DPP10: variants seen among roughly 807,000 people sequenced by gnomAD.
DPP10 encodes the protein dipeptidyl peptidase like 10.
Under a neutral mutation model 120.9 loss-of-function variants are expected in DPP10, and 33 were observed. The ratio of observed to expected loss-of-function variants is 0.27; its 90% CI spans 0.21 to 0.37. DPP10 has a LOEUF of 0.37. Ranked by LOEUF, DPP10 falls within the 10% of genes least tolerant of loss-of-function variation. DPP10 has a pLI of 1.00. For missense variants in DPP10, 816 were observed against 942.8 expected (o/e 0.87, Z 1.76); for synonymous variants, 337 against 326.1 (o/e 1.03, Z -0.36).
chr2:114,777,265 G>A (rs1243675575), intron 1 of DPP10, among the ~76,000 whole-genome samples: 2 of 152,082 alleles, frequency 1.3e-5, no homozygotes, highest in African/African-American at 2.4e-5. Context: ...CTGCAGCCTA[G>A]GAAACACTGT....
chr2:115,806,638 T>C (rs1356240854), intron 19 of DPP10, among the ~76,000 whole-genome samples: 1 of 152,208 alleles, frequency 6.6e-6, no homozygotes, highest in African/African-American at 2.4e-5. Context: ...CATCCATTCC[T>C]GTATTATCAA....
intron 1 of DPP10, among the ~76,000 whole-genome samples, chr2:115,162,670 G>A (rs2052511042): frequency 1.3e-5 from 2 of 152,124 alleles, no homozygotes; most frequent in African/African-American, 2.4e-5. Context: ...TTGGTGATGT[G>A]TTGGGTTTGG....
intron 1 of DPP10, among the ~76,000 whole-genome samples, chr2:115,077,740 A>G (rs560159315): frequency 6.1e-4 from 93 of 152,324 alleles, no homozygotes; most frequent in Non-Finnish European, 1.2e-3. Context: ...GCCCTCAAGA[A>G]CAGCCCAAGC....
chr2:115,523,769 T>C (rs1241240435), intron 4 of DPP10, among the ~76,000 whole-genome samples: 1 of 152,156 alleles, frequency 6.6e-6, no homozygotes, highest in Non-Finnish European at 1.5e-5. Context: ...CGTATCATAG[T>C]ATTGCCCTGA....
Position 115,561,358 on chromosome 2 carries a change from CAAAAAAAAAAAA to C in DPP10, c.441+35401_441+35412del, listed in dbSNP as rs11421762. 3.5e-4 allele frequency among the ~76,000 whole-genome samples: 21 copies of C among 59,816 alleles called. 1 individual carries two copies. Among genetic ancestry groups the C allele is most frequent in the African/African-American group, 1.3e-3 (19 of 14,502 alleles). The allele number at this position is 59,816 out of a possible 152,430, so 39.2% of individuals were successfully genotyped here. A position where few individuals can be genotyped will look rare whatever the true frequency, so the allele number is the denominator to read the frequency against. ...TGGGTGGCAGAGCAAGACTCCATCA[CAAAAAAAAAAAA>C]AAAAAAAAAAAAAAGGAATCTCAAG... is the stretch of plus-strand genomic sequence containing the variant. On this transcript the variant is annotated intron_variant, in intron 5 of 25. Transcript: ENST00000410059.
At chr2:115,756,340 T>G (rs1462849558) in intron 11 of DPP10, among the ~76,000 whole-genome samples, 1 of 152,128 alleles carries the variant, frequency 6.6e-6, no homozygotes. Flanking sequence ...GTTGAATGTT[T>G]AAAGCACATA....
At chr2:115,718,367 G>A (rs1252693864) in intron 7 of DPP10, among the ~76,000 whole-genome samples, 1 of 152,078 alleles carries the variant, frequency 6.6e-6, no homozygotes, top group Non-Finnish European at 1.5e-5. Flanking sequence ...AAGAGCAATT[G>A]ACACTGTCAG....
chr2:114,932,604 A>G (rs1162722557), intron 1 of DPP10, among the ~76,000 whole-genome samples: 3 of 152,212 alleles, frequency 2.0e-5, no homozygotes, highest in Non-Finnish European at 2.9e-5. Flanking sequence ...GATCAGGTGA[A>G]TCTAATCTAT....
chr2:115,339,914 A>G (rs1256033972), intron 2 of DPP10, among the ~76,000 whole-genome samples: 1 of 152,184 alleles, frequency 6.6e-6, no homozygotes, highest in East Asian at 1.9e-4. Flanking sequence ...TAAACACGCA[A>G]GAATGCACGT....
chr2:115,835,381 A>G (rs1689373484), intron 21 of DPP10, among the ~76,000 whole-genome samples: 1 of 152,082 alleles, frequency 6.6e-6, no homozygotes, highest in African/African-American at 2.4e-5. Flanking sequence ...AGTGAAGTCG[A>G]TTTCTTCTCC....
chr2:114,881,048 C>T (rs886847711), intron 1 of DPP10, among the ~76,000 whole-genome samples: 4 of 152,030 alleles, frequency 2.6e-5, no homozygotes, highest in Non-Finnish European at 5.9e-5. Context: ...GTACTCAATC[C>T]CATATGTCTG....
At chr2:114,518,696 A>G (rs1162913687) in intron 1 of DPP10, among the ~76,000 whole-genome samples, 1 of 152,174 alleles carries the variant, frequency 6.6e-6, no homozygotes, top group Non-Finnish European at 1.5e-5. Flanking sequence ...TCGCAGATCC[A>G]TGGAGTCATC....
chr2:115,438,428 G>A (rs747000451), intron 3 of DPP10, among the ~76,000 whole-genome samples: 13 of 152,138 alleles, frequency 8.5e-5, no homozygotes, highest in South Asian at 6.2e-4. Context: ...ATATACTTGC[G>A]TGCCAATTAT....
At chr2:115,376,699 C>A in intron 3 of DPP10, among the ~76,000 whole-genome samples, 1 of 127,702 alleles carries the variant, frequency 7.8e-6, no homozygotes, top group Non-Finnish European at 1.6e-5. Flanking sequence ...TATCCATCCC[C>A]CCTCCCCCCA....
Position 115,280,190 on chromosome 2 carries a change from C to T in DPP10, c.61-29049C>T, listed in dbSNP as rs1204633853. On this transcript the variant is annotated intron_variant, in intron 1 of 25. Coordinates refer to ENST00000410059, the MANE Select transcript of DPP10 (RefSeq NM_020868.6). Reference sequence around the variant, plus strand: ...GGAGGTAGACATTTATAATCTTAGTCATACTAGTGAGTGATGGACATTTTA... The same window carrying T: ...GGAGGTAGACATTTATAATCTTAGTTATACTAGTGAGTGATGGACATTTTA... Among the ~76,000 whole-genome samples, 3 of 152,152 alleles carry T rather than the reference C, an allele frequency of 2.0e-5. 1 individual carries two copies. The highest frequency in any genetic ancestry group is 4.1e-4 in the South Asian group (2 of 4,832).
chr2:114,790,658 C>T (rs980601545), intron 1 of DPP10, among the ~76,000 whole-genome samples: 8 of 150,386 alleles, frequency 5.3e-5, no homozygotes, highest in Admixed American at 4.0e-4. Context: ...TGTTCTCTGG[C>T]GGGCAGGAGT....
At chr2:115,125,033 T>A (rs1573702716) in intron 1 of DPP10, among the ~76,000 whole-genome samples, 3 of 152,292 alleles carry the variant, frequency 2.0e-5, no homozygotes, top group East Asian at 3.9e-4. Flanking sequence ...TCAACCTTCC[T>A]CCAGTCATAA....
intron 1 of DPP10, among the ~76,000 whole-genome samples, chr2:115,259,444 A>G (rs1017254127): frequency 6.6e-6 from 1 of 151,666 alleles, no homozygotes; most frequent in Non-Finnish European, 1.5e-5. Context: ...AGATCGCACC[A>G]TTGCACTCCA....
chr2:115,453,173 A>C lies in DPP10; in HGVS notation c.272-46337A>C, dbSNP rs115879792. On this transcript the variant is annotated intron_variant, in intron 3 of 25. Transcript: ENST00000410059. ...AATTACTCCTCACTTAAGAAAAGAT[A>C]TTCTTGAGTAGTTATTTATAATAAG... is the stretch of plus-strand genomic sequence containing the variant. Among the ~76,000 whole-genome samples the C allele has an allele frequency of 3.4e-3, 513 of 151,668 alleles. 4 individuals are homozygous for C. The highest frequency in any genetic ancestry group is 5.5e-3 in the Admixed American group (83 of 15,206).
Sources: gnomAD v4.1 joint callset for allele counts (sites outside exome capture counted in the v4.1 genomes callset) on GRCh38, gnomAD v4.1.1 for gene constraint, MANE v1.5 for transcripts, NCBI Gene and HGNC (gene_info 2026-07-23, HGNC 2026-07-21) for gene names.